The following ANKS1B variants were observed in gnomAD, a reference collection of about 807,000 sequenced individuals.
The protein encoded by ANKS1B is ankyrin repeat and sterile alpha motif domain containing 1B.
A neutral mutation model predicts 148.3 loss-of-function variants in ANKS1B; 36 were observed. The observed-to-expected ratio is 0.24, with a 90% CI of 0.19 to 0.32. ANKS1B has a LOEUF of 0.32. ANKS1B is among the 10% of genes least tolerant of loss of function. The pLI is 1.00. For missense variants in ANKS1B, 1,157 were observed against 1,542.6 expected (o/e 0.75, Z 4.19); for synonymous variants, 542 against 560.8 (o/e 0.97, Z 0.47).
intron 14 of ANKS1B, among the ~76,000 whole-genome samples, chr12:99,238,481 A>G (rs2088509616): frequency 6.6e-6 from 1 of 152,222 alleles, no homozygotes; most frequent in Admixed American, 6.5e-5. Flanking sequence ...GGGGAAGGGC[A>G]TAGCAGAACA....
In ANKS1B at chr12:98,751,220, C is replaced by T. The variant is rs1449697277; in HGVS notation, c.3747+135G>A. On this transcript the variant is annotated intron_variant, in intron 26 of 26. Transcript: ENST00000683438. This position sits in a 1 kb window ranked among gnomAD's most constrained non-coding sequence, Gnocchi z 4.3. ...GGCAGAGGTGATGATGGACACATGC[C>T]AGGAGGAGGCCAAGGGAAAGGATGA... 2.3e-6 allele frequency: 2 copies of T among 885,160 alleles called. No homozygotes were observed. The highest frequency in any genetic ancestry group is 1.8e-5 in the South Asian group (1 of 54,602). The allele number at this position is 885,160 out of a possible 1,614,324, so 54.8% of individuals were successfully genotyped here. A position where few individuals can be genotyped will look rare whatever the true frequency, so the allele number is the denominator to read the frequency against.
chr12:99,479,371 A>C (rs1274182064), intron 10 of ANKS1B, among the ~76,000 whole-genome samples: 2 of 152,070 alleles, frequency 1.3e-5, no homozygotes, highest in Non-Finnish European at 2.9e-5. Context: ...TTAATAGAAA[A>C]GTCAAAGGGG....
At chr12:98,830,129 A>T (rs1331305524) in intron 18 of ANKS1B, among the ~76,000 whole-genome samples, 1 of 152,172 alleles carries the variant, frequency 6.6e-6, no homozygotes, top group Admixed American at 6.5e-5. Context: ...CAGAAGGGGA[A>T]GGAAAAAGAG....
At chr12:99,624,939 T>C (rs2098095164) in intron 9 of ANKS1B, among the ~76,000 whole-genome samples, 1 of 152,078 alleles carries the variant, frequency 6.6e-6, no homozygotes, top group Admixed American at 6.6e-5. Flanking sequence ...AAAAGAAACC[T>C]GCGCTCATAT....
intron 10 of ANKS1B, among the ~76,000 whole-genome samples, chr12:99,468,098 T>A (rs562423320): frequency 7.2e-5 from 11 of 151,816 alleles, no homozygotes; most frequent in Admixed American, 2.0e-4. Flanking sequence ...GAGATATAGA[T>A]CAATGGAACA....
At chr12:99,517,251 AT>A (rs1359626762) in intron 9 of ANKS1B, among the ~76,000 whole-genome samples, 1 of 151,988 alleles carries the variant, frequency 6.6e-6, no homozygotes, top group Non-Finnish European at 1.5e-5. Context: ...ATTCCTAGTT[AT>A]TTAATTTTAG....
intron 1 of ANKS1B, among the ~76,000 whole-genome samples, chr12:99,909,134 T>C (rs954496197): frequency 8.5e-5 from 13 of 152,256 alleles, no homozygotes; most frequent in African/African-American, 2.9e-4. Flanking sequence ...CCTGGCTTTT[T>C]CACTCAGGAT....
intron 6 of ANKS1B, 146 bp from the exon 7 acceptor site, chr12:99,775,807 A>G (rs1340236854): frequency 4.3e-6 from 2 of 462,902 alleles, no homozygotes; most frequent in African/African-American, 3.9e-5. Context: ...ACTTCAAAAA[A>G]CCAAACATAT....
intron 8 of ANKS1B, among the ~76,000 whole-genome samples, chr12:99,728,474 A>G (rs1288373544): frequency 6.6e-6 from 1 of 152,192 alleles, no homozygotes; most frequent in African/African-American, 2.4e-5. Context: ...GTCAAGAAAC[A>G]ATAGATGCTT....
chr12:99,213,197 G>T (rs1426512774), intron 14 of ANKS1B, among the ~76,000 whole-genome samples: 2 of 152,168 alleles, frequency 1.3e-5, no homozygotes, highest in African/African-American at 4.8e-5. Context: ...ATTTTTGATG[G>T]CTATAGCGTC....
At chr12:99,550,005 A>G (rs1056529600) in intron 9 of ANKS1B, among the ~76,000 whole-genome samples, 16 of 152,236 alleles carry the variant, frequency 1.1e-4, no homozygotes, top group Admixed American at 8.5e-4. Flanking sequence ...AGCGGGCTCC[A>G]GCGCTAGCTG....
intron 19 of ANKS1B, among the ~76,000 whole-genome samples, chr12:98,817,122 T>G (rs539485728): frequency 4.4e-4 from 67 of 152,190 alleles, no homozygotes; most frequent in African/African-American, 1.5e-3. Context: ...AGTTTCAGAG[T>G]GAAAGCTCAA....
chr12:99,874,655 G>A (rs2091892322), intron 1 of ANKS1B, among the ~76,000 whole-genome samples: 1 of 152,150 alleles, frequency 6.6e-6, no homozygotes, highest in Non-Finnish European at 1.5e-5. Context: ...ACATACATAT[G>A]CTGCTATTAA....
At chr12:99,462,816 G>A (rs989189149) in intron 10 of ANKS1B, among the ~76,000 whole-genome samples, 2 of 152,200 alleles carry the variant, frequency 1.3e-5, no homozygotes, top group African/African-American at 2.4e-5. Context: ...TGGAGGTCAT[G>A]AGTTACCATG....
intron 11 of ANKS1B, among the ~76,000 whole-genome samples, chr12:99,413,497 A>G (rs2094789259): frequency 6.6e-6 from 1 of 152,174 alleles, no homozygotes; most frequent in Non-Finnish European, 1.5e-5. Context: ...GGTAGCATTG[A>G]TTTTTTTAAA....
intron 10 of ANKS1B, among the ~76,000 whole-genome samples, chr12:99,456,723 G>GA (rs775980500): frequency 4.6e-5 from 7 of 151,986 alleles, no homozygotes; most frequent in East Asian, 3.9e-4. Flanking sequence ...TAAAGACAAA[G>GA]AAAATTTTTT....
At chr12:99,831,107 A>G (rs2153688803) in intron 1 of ANKS1B, among the ~76,000 whole-genome samples, 1 of 152,140 alleles carries the variant, frequency 6.6e-6, no homozygotes, top group East Asian at 1.9e-4. Context: ...CCACCACACT[A>G]TCTTTGGGTC....
At chr12:98,966,877 C>T (rs754743253) in intron 17 of ANKS1B, among the ~76,000 whole-genome samples, 9 of 105,606 alleles carry the variant, frequency 8.5e-5, no homozygotes, top group Non-Finnish European at 1.2e-4. Context: ...CATCACACAC[C>T]GGGGCCTGTC....
chr12:99,854,735 T>C (rs1434517187), intron 1 of ANKS1B, among the ~76,000 whole-genome samples: 1 of 152,180 alleles, frequency 6.6e-6, no homozygotes, highest in Non-Finnish European at 1.5e-5. Context: ...AGACTGGGGT[T>C]CTATCTTTAG....
Sources: allele counts gnomAD v4.1 joint callset (sites outside exome capture counted in the v4.1 genomes callset), GRCh38; gene constraint gnomAD v4.1.1; non-coding constraint Gnocchi (gnomAD v3.1); transcripts MANE v1.5; gene names NCBI Gene and HGNC (gene_info 2026-07-23, HGNC 2026-07-21).